The following ECE1 variants were observed in gnomAD, a reference collection of about 807,000 sequenced individuals.
ECE1 encodes the protein endothelin-converting enzyme 1.
ECE1 carries 35 observed loss-of-function variants against 98.6 expected under a neutral mutation model. That is an observed-to-expected ratio of 0.35 (90% CI 0.27 to 0.47). ECE1 has a LOEUF of 0.47. ECE1 is among the 20% of genes least tolerant of loss of function. ECE1 has a pLI of 1.00. For synonymous variants in ECE1, 394 were observed against 407.1 expected, an observed-to-expected ratio of 0.97 and a Z score of 0.39; for missense variants, 814 against 1,025.3, an observed-to-expected ratio of 0.79 and a Z score of 2.81.
chr1:21,273,480 G>C (rs1044428901), intron 3 of ECE1, among the ~76,000 whole-genome samples: 13 of 151,990 alleles, frequency 8.6e-5, no homozygotes, highest in African/African-American at 2.7e-4. Flanking sequence ...TGGAACAGTA[G>C]GAGAAATGTC....
At chr1:21,317,839 C>A (rs959418881) in intron 1 of ECE1, among the ~76,000 whole-genome samples, 1 of 152,230 alleles carries the variant, frequency 6.6e-6, no homozygotes, top group South Asian at 2.1e-4. Flanking sequence ...GGTCATGTGA[C>A]TTCTGTAGGT....
At chr1:21,244,170 C>G (rs2098200169) in intron 10 of ECE1, among the ~76,000 whole-genome samples, 1 of 152,160 alleles carries the variant, frequency 6.6e-6, no homozygotes, top group South Asian at 2.1e-4. Flanking sequence ...GCCAGGTGAG[C>G]TTGGCACACC....
intron 1 of ECE1, among the ~76,000 whole-genome samples, chr1:21,328,632 G>A (rs1426307586): frequency 2.0e-5 from 3 of 152,010 alleles, no homozygotes; most frequent in Non-Finnish European, 4.4e-5. Context: ...GCATGGTGGC[G>A]GGCGCCTGTG....
intron 1 of ECE1, among the ~76,000 whole-genome samples, chr1:21,311,243 C>T (rs1182872464): frequency 6.6e-6 from 1 of 152,130 alleles, no homozygotes; most frequent in Non-Finnish European, 1.5e-5. Context: ...AGGGTCACAC[C>T]CCCAGTGCCT....
At chr1:21,247,665 T>C (rs577768419) in intron 8 of ECE1, among the ~76,000 whole-genome samples, 1 of 152,322 alleles carries the variant, frequency 6.6e-6, no homozygotes, top group South Asian at 2.1e-4. Flanking sequence ...TGGCAAATGA[T>C]TGATGCATAT....
At chr1:21,331,042 G>C (rs1055552931) in intron 1 of ECE1, among the ~76,000 whole-genome samples, 2 of 152,146 alleles carry the variant, frequency 1.3e-5, no homozygotes, top group Non-Finnish European at 2.9e-5. Context: ...TTGGGGGTCC[G>C]AGGCAGGACG....
rs6701077 is a variant in ECE1 at position 21,218,298 on chromosome 1, T to C, written c.*1657A>G. 77,460 of 152,318 alleles carry C rather than the reference T, an allele frequency of 0.51. 21,094 individuals are homozygous for C. Among genetic ancestry groups the C allele is most frequent in the African/African-American group, 0.71 (29,442 of 41,510 alleles). The allele number at this position is 152,318 out of a possible 1,614,324, so 9.4% of individuals were successfully genotyped here. On this transcript the variant is annotated 3_prime_UTR_variant, in exon 19 of 19. Coordinates refer to ENST00000374893, the MANE Select transcript of ECE1 (RefSeq NM_001397.3). This position sits in a 1 kb window ranked among gnomAD's most constrained non-coding sequence, Gnocchi z 4.0. ...GCAGTTTTGCAGTCTTCCGATGCCC[T>C]GTGCCATGGACCTGCCGGCCAGAGC...
intron 2 of ECE1, among the ~76,000 whole-genome samples, chr1:21,284,143 C>A (rs1386302545): frequency 6.6e-6 from 1 of 152,230 alleles, no homozygotes; most frequent in Non-Finnish European, 1.5e-5. Flanking sequence ...CCCTGTCGCA[C>A]CTGCCCAGCC....
intron 3 of ECE1, among the ~76,000 whole-genome samples, chr1:21,273,758 G>A (rs2098243298): frequency 6.6e-6 from 1 of 152,226 alleles, no homozygotes; most frequent in Non-Finnish European, 1.5e-5. Context: ...GGGAGGCAGA[G>A]GCAGAAGAAT....
chr1:21,324,597 CA>C (rs1452151340), intron 1 of ECE1, among the ~76,000 whole-genome samples: 2 of 152,180 alleles, frequency 1.3e-5, no homozygotes, highest in African/African-American at 4.8e-5. Context: ...GCCCCTTTCC[CA>C]CATGAAGAGA....
chr1:21,296,241 T>G (rs1465755147), intron 1 of ECE1, among the ~76,000 whole-genome samples: 1 of 152,038 alleles, frequency 6.6e-6, no homozygotes, highest in East Asian at 1.9e-4. Context: ...TTCAGCCGGG[T>G]GCTCATGCTT....
At chr1:21,282,051 C>T (rs1031587907) in intron 2 of ECE1, among the ~76,000 whole-genome samples, 5 of 152,044 alleles carry the variant, frequency 3.3e-5, no homozygotes, top group African/African-American at 1.2e-4. Flanking sequence ...CTTTGGGAGG[C>T]TGAGGCAGGA....
intron 3 of ECE1, among the ~76,000 whole-genome samples, chr1:21,278,813 A>G (rs11582346): frequency 7.9e-5 from 12 of 152,316 alleles, no homozygotes; most frequent in African/African-American, 2.9e-4. Context: ...CCCAGAGCTA[A>G]AGTTGAAGAA....
chr1:21,232,826 C>T lies in ECE1; in HGVS notation c.1670+732G>A, dbSNP rs566376490. Among the ~76,000 whole-genome samples the T allele has an allele frequency of 2.9e-3, 439 of 152,012 alleles. 5 individuals are homozygous for T. Among genetic ancestry groups the T allele is most frequent in the African/African-American group, 0.01 (424 of 41,434 alleles). ...CTGAGTAGCTGGGACTACAGGTGTGCGCCACCACACCCGGTTAATTTTTGT... is the reference window on the plus strand; with the variant it reads ...CTGAGTAGCTGGGACTACAGGTGTGTGCCACCACACCCGGTTAATTTTTGT... On this transcript the variant is annotated intron_variant, in intron 14 of 18. Transcript: ENST00000374893.
chr1:21,329,543 C>T (rs1159930027), intron 1 of ECE1, among the ~76,000 whole-genome samples: 1 of 152,214 alleles, frequency 6.6e-6, no homozygotes, highest in Non-Finnish European at 1.5e-5. Flanking sequence ...TCACCTTTCT[C>T]ATGCTTAAAA....
At chr1:21,292,283 TC>T (rs1283960551), upstream of ECE1, among the ~76,000 whole-genome samples, 2 of 152,074 alleles carry the variant, frequency 1.3e-5, no homozygotes, top group Non-Finnish European at 2.9e-5. Flanking sequence ...TGGGCCCTCA[TC>T]TTGTGCTGCC....
chr1:21,338,504 A>C (rs1639343764), intron 1 of ECE1, among the ~76,000 whole-genome samples: 2 of 152,228 alleles, frequency 1.3e-5, no homozygotes, highest in African/African-American at 4.8e-5. Context: ...CAAGTCTCAC[A>C]GTGAGGAAGT....
chr1:21,345,158 G>T lies in ECE1; in HGVS notation c.3+218C>A. The T allele has an allele frequency of 4.2e-6, 2 of 472,646 alleles. No individual in the cohort carries two copies. Among genetic ancestry groups the T allele is most frequent in the Non-Finnish European group, 6.0e-6 (2 of 333,520 alleles). 29.3% of individuals were successfully genotyped at this position (472,646 alleles called of 1,614,324 possible). Reference sequence around the variant, plus strand: ...GACCAGAACCAAGCTCGGCGCGGCCGCCCCCGACGGGACCAAGCGCAGCGC... The same window carrying T: ...GACCAGAACCAAGCTCGGCGCGGCCTCCCCCGACGGGACCAAGCGCAGCGC... On this transcript the variant is annotated intron_variant, in intron 1 of 18. Transcript: ENST00000415912. The surrounding 1 kb of genome is among the most constrained non-coding windows in gnomAD (Gnocchi z 5.1).
intron 4 of ECE1, among the ~76,000 whole-genome samples, chr1:21,264,353 C>A (rs1393946341): frequency 6.9e-6 from 1 of 144,142 alleles, no homozygotes; most frequent in Non-Finnish European, 1.5e-5. Context: ...CTCGCTCTGT[C>A]GCCCAGGCTG....
Sources: allele counts gnomAD v4.1 joint callset (sites outside exome capture counted in the v4.1 genomes callset), GRCh38; gene constraint gnomAD v4.1.1; non-coding constraint Gnocchi (gnomAD v3.1); transcripts MANE v1.5; gene names NCBI Gene and HGNC (gene_info 2026-07-23, HGNC 2026-07-21).